Variants in SIPA1L1 observed in about 807,000 individuals in gnomAD.
The protein encoded by SIPA1L1 is signal-induced proliferation-associated 1-like protein 1.
Under a neutral mutation model 162.7 loss-of-function variants are expected in SIPA1L1, and 26 were observed. The observed-to-expected ratio is 0.16, with a 90% CI of 0.12 to 0.22. SIPA1L1 has a LOEUF of 0.22. Ranked by LOEUF, SIPA1L1 falls within the 10% of genes least tolerant of loss-of-function variation. The pLI is 1.00. For missense variants in SIPA1L1, 1,874 were observed against 2,241.0 expected, an observed-to-expected ratio of 0.84 and a Z score of 3.31; for synonymous variants, 829 against 837.4, an observed-to-expected ratio of 0.99 and a Z score of 0.17.
chr14:71,417,281 C>A (rs1303852923), intron 2 of SIPA1L1, among the ~76,000 whole-genome samples: 2 of 151,348 alleles, frequency 1.3e-5, no homozygotes, highest in East Asian at 3.9e-4. Context: ...ACCATCCTGG[C>A]TAACACGGTG....
chr14:71,651,426 TGTTGCCATG>T (rs2042607698), intron 8 of SIPA1L1, among the ~76,000 whole-genome samples: 1 of 152,210 alleles, frequency 6.6e-6, no homozygotes, highest in African/African-American at 2.4e-5. Flanking sequence ...AAGAATTTCC[TGTTGCCATG>T]GTTTTGCTGT....
At chr14:71,527,122 G>A (rs1369043678) in intron 3 of SIPA1L1, among the ~76,000 whole-genome samples, 1 of 151,934 alleles carries the variant, frequency 6.6e-6, no homozygotes, top group Admixed American at 6.6e-5. Context: ...TTATATGCTT[G>A]TTAGCCATTT....
At chr14:71,469,847 T>A (rs1345129339) in intron 2 of SIPA1L1, among the ~76,000 whole-genome samples, 1 of 152,204 alleles carries the variant, frequency 6.6e-6, no homozygotes, top group Admixed American at 6.5e-5. Context: ...AGAACTTTGA[T>A]CAAGCGTTGG....
chr14:71,432,459 A>G (rs1315480135), intron 2 of SIPA1L1, among the ~76,000 whole-genome samples: 1 of 152,208 alleles, frequency 6.6e-6, no homozygotes, highest in Admixed American at 6.5e-5. Context: ...ATGGGGGCCT[A>G]ACAACCTACA....
chr14:71,413,205 C>T (rs1357034461), intron 2 of SIPA1L1, among the ~76,000 whole-genome samples: 1 of 152,112 alleles, frequency 6.6e-6, no homozygotes, highest in African/African-American at 2.4e-5. Flanking sequence ...CAAGATGTCA[C>T]CTGTGGGTAC....
At chr14:71,343,855 A>G (rs1044776940) in intron 2 of SIPA1L1, among the ~76,000 whole-genome samples, 11 of 152,202 alleles carry the variant, frequency 7.2e-5, no homozygotes, top group African/African-American at 2.7e-4. Flanking sequence ...TTTCCAAGTT[A>G]CAAGTGTGTT....
At chr14:71,386,223 G>A (rs547237300) in intron 2 of SIPA1L1, among the ~76,000 whole-genome samples, 2 of 152,322 alleles carry the variant, frequency 1.3e-5, no homozygotes, top group African/African-American at 4.8e-5. Flanking sequence ...TGAGGAGCAA[G>A]GAAGCCAGTC....
Position 71,618,901 on chromosome 14 carries a change from G to T in SIPA1L1, c.1629+14G>T. Reference sequence around the variant, plus strand: ...AGAACTAGTGAGGTAAGTCGCAAATGAGAGAGGTTTGAGGTTTAACTGAAA... The same window carrying T: ...AGAACTAGTGAGGTAAGTCGCAAATTAGAGAGGTTTGAGGTTTAACTGAAA... On this transcript the variant is annotated intron_variant, in intron 6 of 23. Transcript: ENST00000381232. The T allele has an allele frequency of 6.2e-7, 1 of 1,612,070 alleles. No individual in the cohort carries two copies. The highest frequency in any genetic ancestry group is 1.1e-5 in the South Asian group (1 of 90,536).
intron 14 of SIPA1L1, among the ~76,000 whole-genome samples, chr14:71,700,770 G>A (rs778338559): frequency 2.6e-5 from 4 of 151,884 alleles, no homozygotes; most frequent in South Asian, 2.1e-4. Context: ...CGAGGCGGGC[G>A]GATCACGAGG....
At chr14:71,728,075 A>G (rs1229534358) in intron 19 of SIPA1L1, among the ~76,000 whole-genome samples, 1 of 152,234 alleles carries the variant, frequency 6.6e-6, no homozygotes, top group African/African-American at 2.4e-5. Flanking sequence ...TAAAACCATC[A>G]GGCTGGGGAT....
chr14:71,525,287 A>G (rs2145083141), intron 3 of SIPA1L1, among the ~76,000 whole-genome samples: 1 of 152,060 alleles, frequency 6.6e-6, no homozygotes, highest in East Asian at 1.9e-4. Context: ...GGTTCAAGCA[A>G]TTCTCCTGCC....
At chr14:71,530,824 G>A (rs1448654729) in intron 4 of SIPA1L1, among the ~76,000 whole-genome samples, 1 of 152,130 alleles carries the variant, frequency 6.6e-6, no homozygotes, top group Non-Finnish European at 1.5e-5. Context: ...ATTTTTGGAT[G>A]CTTTTTAACT....
At chr14:71,422,768 G>T (rs1191527594) in intron 2 of SIPA1L1, among the ~76,000 whole-genome samples, 1 of 152,216 alleles carries the variant, frequency 6.6e-6, no homozygotes, top group African/African-American at 2.4e-5. Flanking sequence ...TAGCTATTGT[G>T]AAGAATGTTG....
intron 2 of SIPA1L1, among the ~76,000 whole-genome samples, chr14:71,448,304 C>T (rs549878772): frequency 6.6e-6 from 1 of 152,258 alleles, no homozygotes; most frequent in Admixed American, 6.5e-5. Context: ...ATTGATCAAT[C>T]AGTTGCCATG....
chr14:71,738,929 A>T, intron 23 of SIPA1L1, 89 bp from the exon 24 acceptor site: 1 of 1,437,964 alleles, frequency 7.0e-7, no homozygotes, highest in Non-Finnish European at 9.4e-7. Context: ...TGGACAAAAG[A>T]TCAAAACGGG....
intron 2 of SIPA1L1, among the ~76,000 whole-genome samples, chr14:71,322,417 T>C (rs1183600915): frequency 1.3e-5 from 2 of 152,204 alleles, no homozygotes; most frequent in African/African-American, 4.8e-5. Flanking sequence ...ACGACTGTCA[T>C]TTTTCTCTTC....
At chr14:71,542,531 TTCC>T (rs766526800) in intron 4 of SIPA1L1, among the ~76,000 whole-genome samples, 73 of 139,048 alleles carry the variant, frequency 5.2e-4, no homozygotes, top group Non-Finnish European at 9.6e-4. Flanking sequence ...CCTCCTCCTC[TTCC>T]TCCTCCTCTC....
intron 2 of SIPA1L1, among the ~76,000 whole-genome samples, chr14:71,430,376 A>G (rs2043894046): frequency 6.6e-6 from 1 of 152,172 alleles, no homozygotes; most frequent in Non-Finnish European, 1.5e-5. Flanking sequence ...TGGTTTTTGA[A>G]GTTATCAGTC....
intron 5 of SIPA1L1, among the ~76,000 whole-genome samples, chr14:71,609,182 T>G (rs1428704331): frequency 2.0e-5 from 3 of 152,140 alleles, no homozygotes; most frequent in Non-Finnish European, 4.4e-5. Flanking sequence ...ATGCTTACAT[T>G]AGCTGGTCTT....
Sources: gnomAD v4.1 joint callset for allele counts (sites outside exome capture counted in the v4.1 genomes callset) on GRCh38, gnomAD v4.1.1 for gene constraint, MANE v1.5 for transcripts, NCBI Gene and HGNC (gene_info 2026-07-23, HGNC 2026-07-21) for gene names.